Variants in VPS13C observed in about 807,000 individuals in gnomAD.
VPS13C encodes intermembrane lipid transfer protein VPS13C.
VPS13C carries 358 observed loss-of-function variants against 456.8 expected under a neutral mutation model. The ratio of observed to expected loss-of-function variants is 0.78; its 90% confidence interval spans 0.72 to 0.86. The LOEUF (loss-of-function observed/expected upper bound fraction) is 0.86, where lower values mean the gene tolerates loss of function less well. Ranked by LOEUF, VPS13C falls within the 40% of genes least tolerant of loss-of-function variation. VPS13C has a pLI of 0.00. For synonymous variants in VPS13C, 1,578 were observed against 1,486.7 expected (o/e 1.06, Z -1.41); for missense variants, 4,818 against 4,385.4 (o/e 1.10, Z -2.79).
At chr15:61,891,370 G>A (rs1399687293) in intron 66 of VPS13C, among the ~76,000 whole-genome samples, 1 of 152,104 alleles carries the variant, frequency 6.6e-6, no homozygotes, top group South Asian at 2.1e-4. Context: ...GAATAGTTGA[G>A]TGTCACTAAT....
intron 77 of VPS13C, 122 bp downstream of exon 77, chr15:61,874,754 A>T: frequency 1.2e-6 from 1 of 844,982 alleles, no homozygotes; most frequent in Non-Finnish European, 1.7e-6. Flanking sequence ...ATGTCTTTTA[A>T]AAGGGATTAT....
At chr15:61,972,265 T>C (rs1038438965) in intron 27 of VPS13C, among the ~76,000 whole-genome samples, 2 of 152,206 alleles carry the variant, frequency 1.3e-5, no homozygotes, top group Non-Finnish European at 2.9e-5. Context: ...ATAAACATGA[T>C]AATGAGCAAT....
rs563736879 is a variant in VPS13C at position 62,043,209 on chromosome 15, A to C, written c.144+1003T>G. ...GAGCACCTACTAAGTGCCAGGCTCT[A>C]CTTCTCATCTTATTCAAGCCACAAA... is the stretch of plus-strand genomic sequence containing the variant. On this transcript the variant is annotated intron_variant, in intron 2 of 84. Transcript: ENST00000644861. Among the ~76,000 whole-genome samples, 67 of 152,326 alleles carry C rather than the reference A, an allele frequency of 4.4e-4. 2 individuals carry two copies. The South Asian group carries it at 8.3e-3, about 19-fold the overall frequency.
At chr15:62,033,596 A>C in intron 4 of VPS13C, 54 bp from the exon 5 acceptor site, 1 of 1,325,172 alleles carries the variant, frequency 7.5e-7, no homozygotes, top group Non-Finnish European at 1.0e-6. Flanking sequence ...TAAATAAACA[A>C]ACGGAAAAAG....
chr15:61,928,709 A>G (rs2043952248), intron 51 of VPS13C, among the ~76,000 whole-genome samples: 1 of 152,152 alleles, frequency 6.6e-6, no homozygotes, highest in South Asian at 2.1e-4. Context: ...GCGAAGCCCC[A>G]TGTTTACCGA....
At position 61,854,475 on chromosome 15, in the gene VPS13C, T is replaced by A. The variant is rs763099541; in HGVS notation, c.11244A>T (p.Arg3748Ser). The A allele has an allele frequency of 1.2e-6, 2 of 1,614,146 alleles. No individual in the cohort carries two copies. Among genetic ancestry groups the A allele is most frequent in the Non-Finnish European group, 1.7e-6 (2 of 1,179,998 alleles). Residue 3748 changes from arginine to serine, a missense_variant, in exon 85 of 85, where the codon AGA (arginine) becomes AGT (serine). Physicochemically the swap from Arg to Ser is moderately radical, Grantham distance 110. Around this residue, in one of 3 missense-constraint regions of VPS13C, gnomAD observed 261 missense variants for 234.1 expected, o/e 1.11. Transcript: ENST00000644861. ...TCTGTGATTAAGATGGCAATTGGGG[T>A]CTGAGAAGTCTCACTGATGACTGCT... ...LMKQSSVRLL[R>S]PQLPS
At chr15:62,013,594 G>T (rs765558974) in intron 10 of VPS13C, among the ~76,000 whole-genome samples, 13 of 151,912 alleles carry the variant, frequency 8.6e-5, no homozygotes, top group Non-Finnish European at 1.6e-4. Flanking sequence ...AAAATGAAAC[G>T]TATCTGTTTA....
At chr15:61,865,603 T>C (rs577937629) in intron 81 of VPS13C, 52 of 534,186 alleles carry the variant, frequency 9.7e-5, no homozygotes, top group South Asian at 3.3e-4. Flanking sequence ...TGTATATATG[T>C]ATGTGTATAT....
rs952053244 is a variant in VPS13C at position 62,016,062 on chromosome 15, C to A, written c.685-2070G>T. On this transcript the variant is annotated intron_variant, in intron 9 of 84. Transcript: ENST00000644861. ...ATTGTTTCTGCTCTGTTCTTCAATG[C>A]GATGTGTATCTCTACTTCTCTATAT... 3.3e-5 allele frequency among the ~76,000 whole-genome samples: 5 copies of A among 149,718 alleles called. No individual in the cohort carries two copies. In the South Asian group the frequency reaches 1.1e-3, roughly 32 times the overall value.
chr15:61,991,071 C>T lies in VPS13C; in HGVS notation c.1507G>A (p.Glu503Lys). ...GCAGTGAAGAGTTTATCTTTTTCCT[C>T]TGGAGTCATAAGGTCATCAATAGCT... The part of the protein sequence containing the change: ...PETIDDLMTP[E>K]EKDKLFTAIG... Residue 503 changes from glutamate (E) to lysine (K), a missense_variant, in exon 18 of 85, where the codon GAG becomes AAG. Transcript: ENST00000644861. The T allele has an allele frequency of 6.2e-7, 1 of 1,612,070 alleles. No homozygotes were observed. The highest frequency in any genetic ancestry group is 1.7e-5 in the Admixed American group (1 of 59,700).
intron 3 of VPS13C, among the ~76,000 whole-genome samples, chr15:62,037,065 A>G (rs924177656): frequency 7.4e-5 from 11 of 147,902 alleles, no homozygotes; most frequent in East Asian, 2.0e-4. Context: ...TCATAACTCA[A>G]TGGGTAACAG....
intron 66 of VPS13C, among the ~76,000 whole-genome samples, chr15:61,892,176 A>T (rs1324586562): frequency 6.6e-6 from 1 of 152,224 alleles, no homozygotes; most frequent in Non-Finnish European, 1.5e-5. Context: ...GGCTACAGAC[A>T]AAGAGGAGAA....
Position 62,058,222 on chromosome 15 carries a change from C to A in VPS13C, c.100+2053G>T, listed in dbSNP as rs1241941265. 7.9e-5 allele frequency among the ~76,000 whole-genome samples: 12 copies of A among 152,172 alleles called. No homozygotes were observed. The East Asian group carries it at 2.3e-3, about 29-fold the overall frequency. ...CAGATTTGCTACTCCGGTGCGTTTTCAAGTTTCAAATGTTTACAAACTATA... is the reference window on the plus strand; with the variant it reads ...CAGATTTGCTACTCCGGTGCGTTTTAAAGTTTCAAATGTTTACAAACTATA... On this transcript the variant is annotated intron_variant, in intron 1 of 84. Transcript: ENST00000644861.
chr15:62,007,501 C>A, intron 14 of VPS13C, 22 bp from the exon 15 acceptor site: 1 of 1,535,108 alleles, frequency 6.5e-7, no homozygotes, highest in Non-Finnish European at 8.8e-7. Context: ...ATTTTGTTAA[C>A]GTAAATGTTA....
intron 6 of VPS13C, among the ~76,000 whole-genome samples, chr15:62,026,587 T>C (rs1487769058): frequency 2.0e-5 from 3 of 152,024 alleles, no homozygotes; most frequent in Non-Finnish European, 4.4e-5. Flanking sequence ...ATCTGAATAA[T>C]GATAGTCTGT....
intron 1 of VPS13C, among the ~76,000 whole-genome samples, chr15:62,052,718 C>A (rs2048666119): frequency 1.3e-5 from 2 of 150,170 alleles, no homozygotes; most frequent in South Asian, 2.1e-4. Context: ...AATATTATAG[C>A]TATTCATTTC....
rs190433024 is a variant in VPS13C, at chr15:61,915,181, T to C, written c.8445+452A>G. Among the ~76,000 whole-genome samples the C allele has an allele frequency of 1.6e-4, 24 of 152,178 alleles. No individual in the cohort carries two copies. In the East Asian group the frequency reaches 4.5e-3, roughly 28 times the overall value. ...AAATGTGTGGTGAGGGATACCAAAA[T>C]GTGAGCCTGAAGAGGAAAGAAGAGA... On this transcript the variant is annotated intron_variant, in intron 61 of 84. Coordinates refer to ENST00000644861, the MANE Select transcript of VPS13C (RefSeq NM_020821.3).
intron 28 of VPS13C, among the ~76,000 whole-genome samples, chr15:61,968,803 T>C (rs1358169495): frequency 6.6e-6 from 1 of 152,160 alleles, no homozygotes; most frequent in Non-Finnish European, 1.5e-5. Context: ...TACTATTTAA[T>C]AGAAAGAACA....
At chr15:62,047,817 G>C (rs2048469026) in intron 1 of VPS13C, among the ~76,000 whole-genome samples, 1 of 152,086 alleles carries the variant, frequency 6.6e-6, no homozygotes, top group African/African-American at 2.4e-5. Flanking sequence ...CAGAAATCCT[G>C]TTTAAAGAAA....
Sources: gnomAD v4.1 joint callset for allele counts (sites outside exome capture counted in the v4.1 genomes callset) on GRCh38, gnomAD v4.1.1 for gene constraint, gnomAD v4.1.1 regional missense constraint, MANE v1.5 for transcripts, NCBI Gene and HGNC (gene_info 2026-07-23, HGNC 2026-07-21) for gene names.